AUTS2: variants seen among roughly 807,000 people sequenced by gnomAD.
AUTS2 encodes activator of transcription and developmental regulator AUTS2.
AUTS2 carries 17 observed loss-of-function variants against 112.4 expected under a neutral mutation model. That is an observed-to-expected ratio of 0.15 (90% CI 0.10 to 0.23). AUTS2 has a LOEUF of 0.23. AUTS2 is among the 10% of genes least tolerant of loss of function. The pLI, the probability that AUTS2 is intolerant of heterozygous loss-of-function variation, is 1.00. For missense variants in AUTS2, 1,510 were observed against 1,701.6 expected (o/e 0.89, Z 1.98); for synonymous variants, 751 against 702.7 (o/e 1.07, Z -1.09).
intron 1 of AUTS2, among the ~76,000 whole-genome samples, chr7:69,627,917 T>C (rs534583152): frequency 2.2e-4 from 33 of 152,242 alleles, no homozygotes; most frequent in Non-Finnish European, 4.4e-4. Context: ...AACATTATAA[T>C]CTTAGGTTGT....
intron 4 of AUTS2, among the ~76,000 whole-genome samples, chr7:70,279,552 C>T (rs1378607308): frequency 6.6e-6 from 1 of 152,156 alleles, no homozygotes; most frequent in Non-Finnish European, 1.5e-5. Context: ...CCCAAATGAG[C>T]GTTGCCCAGA....
intron 5 of AUTS2, among the ~76,000 whole-genome samples, chr7:70,535,087 G>T (rs1396818787): frequency 2.7e-5 from 4 of 148,822 alleles, no homozygotes; most frequent in Non-Finnish European, 5.9e-5. Context: ...TACACTCAAA[G>T]AAATTCTGAT....
chr7:70,455,877 C>T (rs1796719855), intron 5 of AUTS2, among the ~76,000 whole-genome samples: 1 of 152,136 alleles, frequency 6.6e-6, no homozygotes, highest in South Asian at 2.1e-4. Context: ...GCCTGCCTGG[C>T]AAATACACAG....
intron 3 of AUTS2, among the ~76,000 whole-genome samples, chr7:70,129,892 A>G (rs981963153): frequency 2.0e-5 from 3 of 146,598 alleles, no homozygotes; most frequent in Non-Finnish European, 4.5e-5. Context: ...TCAAATATAT[A>G]TATATATATT....
At chr7:70,364,335 G>T (rs1226962757) in intron 4 of AUTS2, among the ~76,000 whole-genome samples, 1 of 151,924 alleles carries the variant, frequency 6.6e-6, no homozygotes, top group Admixed American at 6.6e-5. Flanking sequence ...AGGCCAAGAT[G>T]GGCAGATCAC....
chr7:70,735,045 A>G (rs1238514242), intron 6 of AUTS2, among the ~76,000 whole-genome samples: 1 of 152,146 alleles, frequency 6.6e-6, no homozygotes, highest in East Asian at 1.9e-4. Flanking sequence ...TTAGTAGGAC[A>G]GCGTTCTCAT....
chr7:70,445,035 G>C (rs563300001), intron 5 of AUTS2, among the ~76,000 whole-genome samples: 3 of 152,280 alleles, frequency 2.0e-5, no homozygotes, highest in African/African-American at 7.2e-5. Context: ...TCACATGAAA[G>C]AGAACATTGC....
chr7:70,144,452 G>A (rs1443747861), intron 4 of AUTS2, among the ~76,000 whole-genome samples: 2 of 152,038 alleles, frequency 1.3e-5, no homozygotes, highest in African/African-American at 4.8e-5. Context: ...AACCCAAAAT[G>A]TTCTTTTAAT....
intron 5 of AUTS2, among the ~76,000 whole-genome samples, chr7:70,617,438 G>A (rs575130041): frequency 3.9e-4 from 59 of 152,230 alleles, no homozygotes; most frequent in Admixed American, 1.2e-3. Context: ...CGAGGTGGGC[G>A]GATCATGAGG....
chr7:70,603,689 G>A (rs970418357), intron 5 of AUTS2, among the ~76,000 whole-genome samples: 5 of 152,190 alleles, frequency 3.3e-5, no homozygotes, highest in Admixed American at 6.5e-5. Context: ...GCCTGCAAAT[G>A]TTAGCTCCCC....
intron 5 of AUTS2, among the ~76,000 whole-genome samples, chr7:70,602,321 A>C (rs988321666): frequency 2.6e-5 from 4 of 152,220 alleles, no homozygotes; most frequent in Admixed American, 2.6e-4. Context: ...GACTTGGCTA[A>C]TGTCACCGGT....
At chr7:69,848,797 A>G (rs543854946) in intron 1 of AUTS2, among the ~76,000 whole-genome samples, 213 of 152,286 alleles carry the variant, frequency 1.4e-3, no homozygotes, top group Admixed American at 2.4e-3. Context: ...CACAACATTC[A>G]ATTGTCTGCA....
intron 5 of AUTS2, among the ~76,000 whole-genome samples, chr7:70,570,879 T>C (rs2129525300): frequency 6.8e-6 from 1 of 147,554 alleles, no homozygotes; most frequent in Non-Finnish European, 1.5e-5. Flanking sequence ...CCCTTGACAA[T>C]ATGTCTGTCC....
At chr7:69,839,283 G>A (rs1166462992) in intron 1 of AUTS2, among the ~76,000 whole-genome samples, 1 of 152,044 alleles carries the variant, frequency 6.6e-6, no homozygotes, top group African/African-American at 2.4e-5. Context: ...TACTTACCTT[G>A]TAAGTACCTG....
intron 5 of AUTS2, among the ~76,000 whole-genome samples, chr7:70,652,151 T>A (rs1220588002): frequency 6.6e-6 from 1 of 152,184 alleles, no homozygotes; most frequent in Admixed American, 6.6e-5. Context: ...CCTCATGTTT[T>A]ACAAAGTAGG....
chr7:70,018,833 C>T (rs113707380), intron 2 of AUTS2, among the ~76,000 whole-genome samples: 2 of 152,202 alleles, frequency 1.3e-5, no homozygotes, highest in African/African-American at 4.8e-5. Flanking sequence ...TTAATTCAAC[C>T]ATTGTGAAAG....
chr7:70,710,986 TCCGG>T (rs1368013774), intron 6 of AUTS2, among the ~76,000 whole-genome samples: 5 of 152,236 alleles, frequency 3.3e-5, no homozygotes, highest in Non-Finnish European at 2.9e-5. Context: ...GAAGAGGAAC[TCCGG>T]TTGTAAAGAG....
intron 1 of AUTS2, among the ~76,000 whole-genome samples, chr7:69,773,722 A>C (rs1788772441): frequency 6.6e-6 from 1 of 152,098 alleles, no homozygotes. Flanking sequence ...AAGGGTGCTG[A>C]TCTTTCATTC....
intron 1 of AUTS2, among the ~76,000 whole-genome samples, chr7:69,710,332 T>C (rs1433736216): frequency 2.0e-5 from 3 of 152,198 alleles, no homozygotes; most frequent in Admixed American, 1.3e-4. Flanking sequence ...AAATGCCCAC[T>C]GTTATAATTA....
Sources: allele counts gnomAD v4.1 joint callset (sites outside exome capture counted in the v4.1 genomes callset), GRCh38; gene constraint gnomAD v4.1.1; transcripts MANE v1.5; gene names NCBI Gene and HGNC (gene_info 2026-07-23, HGNC 2026-07-21).